RAPGEF1: variants seen among roughly 807,000 people sequenced by gnomAD.
The protein encoded by RAPGEF1 is Rap guanine nucleotide exchange factor 1.
Under a neutral mutation model 143.3 loss-of-function variants are expected in RAPGEF1, and 33 were observed. That is an observed-to-expected ratio of 0.23 (90% CI 0.17 to 0.31). The LOEUF is 0.31. RAPGEF1 is among the 10% of genes least tolerant of loss of function. RAPGEF1 has a pLI of 1.00. For missense variants in RAPGEF1, 1,199 were observed against 1,645.4 expected (o/e 0.73, Z 4.69); for synonymous variants, 629 against 676.5 (o/e 0.93, Z 1.09).
chr9:131,699,999 C>G (rs748026501), intron 1 of RAPGEF1, among the ~76,000 whole-genome samples: 2 of 151,066 alleles, frequency 1.3e-5, no homozygotes, highest in Non-Finnish European at 3.0e-5. Context: ...GCACCTCAAA[C>G]TCACTCTGTA....
Position 131,592,089 on chromosome 9 carries a change from G to A in RAPGEF1, c.2774+10C>T. ...GGTGCAGGGGCCCTGGGTCAGGAAG[G>A]AAAGGATATCTGTACTGCAGCTTCT... On this transcript the variant is annotated intron_variant, in intron 18 of 26. Coordinates refer to ENST00000683357, the MANE Select transcript of RAPGEF1 (RefSeq NM_001377935.1). 1.3e-6 allele frequency: 2 copies of A among 1,598,556 alleles called. No individual in the cohort carries two copies. The highest frequency in any genetic ancestry group is 1.7e-6 in the Non-Finnish European group (2 of 1,165,998).
intron 4 of RAPGEF1, among the ~76,000 whole-genome samples, chr9:131,640,844 A>T (rs1429953779): frequency 6.6e-6 from 1 of 152,156 alleles, no homozygotes; most frequent in Non-Finnish European, 1.5e-5. Flanking sequence ...ATCTAAAAGG[A>T]GCATCTGAGG....
intron 16 of RAPGEF1, 32 bp downstream of exon 16, chr9:131,598,167 G>GAGA: frequency 6.3e-7 from 1 of 1,583,018 alleles, no homozygotes; most frequent in Non-Finnish European, 8.7e-7. Flanking sequence ...TGTGGGGCCA[G>GAGA]GCTGCAAAGC....
At chr9:131,662,623 C>A (rs1434243573) in intron 1 of RAPGEF1, among the ~76,000 whole-genome samples, 1 of 151,816 alleles carries the variant, frequency 6.6e-6, no homozygotes, top group East Asian at 1.9e-4. Flanking sequence ...TCTCGGCTCA[C>A]TGCCTTCCTG....
intron 12 of RAPGEF1, among the ~76,000 whole-genome samples, chr9:131,608,566 A>T (rs1957482021): frequency 1.3e-5 from 2 of 152,160 alleles, no homozygotes; most frequent in African/African-American, 2.4e-5. Context: ...GAAAGCAAGG[A>T]GAGTCGGCCT....
At chr9:131,586,428 C>T (rs199500947) in intron 22 of RAPGEF1, among the ~76,000 whole-genome samples, 3 of 53,064 alleles carry the variant, frequency 5.7e-5, no homozygotes, top group East Asian at 1.1e-3. Context: ...ACCTGCAGAG[C>T]GAGACTCCGT....
chr9:131,592,862 T>C (rs1588258941), intron 17 of RAPGEF1, among the ~76,000 whole-genome samples: 3 of 152,352 alleles, frequency 2.0e-5, no homozygotes, highest in South Asian at 4.1e-4. Flanking sequence ...GTGATTCTCC[T>C]GCCTCAAGCC....
In RAPGEF1 at chr9:131,598,429, ATGGCAGC is replaced by A. The variant is rs749907409; in HGVS notation, c.2502-126_2502-120del. 1.8e-4 allele frequency: 143 copies of A among 784,706 alleles called. No homozygotes were observed. In the African/African-American group the frequency reaches 2.1e-3, roughly 11 times the overall value. 48.6% of individuals were successfully genotyped at this position (784,706 alleles called of 1,614,324 possible). A position where few individuals can be genotyped will look rare whatever the true frequency, so the allele number is the denominator to read the frequency against. ...CCGCTCCCGGAACATGCCTGCCCCG[ATGGCAGC>A]TACGTCACTATGGACTGGATCCTCA... On this transcript the variant is annotated intron_variant, in intron 15 of 26. Transcript: ENST00000683357.
chr9:131,645,357 T>A (rs2133352035), intron 3 of RAPGEF1, among the ~76,000 whole-genome samples: 1 of 152,290 alleles, frequency 6.6e-6, no homozygotes, highest in East Asian at 1.9e-4. Context: ...TTTAAGAAAA[T>A]GTGTCATCAG....
chr9:131,616,627 C>T (rs924789196), intron 12 of RAPGEF1, among the ~76,000 whole-genome samples: 2 of 152,164 alleles, frequency 1.3e-5, no homozygotes, highest in South Asian at 2.1e-4. Flanking sequence ...AAATAATCGT[C>T]CACTGTGCCA....
chr9:131,704,340 C>T (rs1432503950), intron 1 of RAPGEF1, among the ~76,000 whole-genome samples: 1 of 150,976 alleles, frequency 6.6e-6, no homozygotes, highest in Non-Finnish European at 1.5e-5. Flanking sequence ...CTAAATTTGC[C>T]CCTATGGCAG....
intron 1 of RAPGEF1, among the ~76,000 whole-genome samples, chr9:131,652,440 A>G (rs947428811): frequency 1.3e-5 from 2 of 151,910 alleles, no homozygotes; most frequent in Non-Finnish European, 2.9e-5. Context: ...TGTAGCGATG[A>G]GGTCTCACTA....
intron 1 of RAPGEF1, among the ~76,000 whole-genome samples, chr9:131,699,057 T>G (rs968794868): frequency 2.6e-5 from 4 of 152,204 alleles, no homozygotes; most frequent in African/African-American, 9.7e-5. Context: ...CCATCAGCAT[T>G]CAACCTTGCC....
intron 14 of RAPGEF1, among the ~76,000 whole-genome samples, chr9:131,602,374 C>T (rs935511482): frequency 6.6e-6 from 1 of 152,238 alleles, no homozygotes; most frequent in African/African-American, 2.4e-5. Context: ...TTTGTCTCAT[C>T]TGTAAGCTGC....
chr9:131,698,573 A>T (rs575048496), intron 1 of RAPGEF1, among the ~76,000 whole-genome samples: 1 of 152,112 alleles, frequency 6.6e-6, no homozygotes, highest in East Asian at 1.9e-4. Flanking sequence ...ATGACTTTGC[A>T]CTCTCCTGTT....
chr9:131,587,957 G>A lies in RAPGEF1; in HGVS notation c.3123C>T (p.Leu1041=). ...AEQLTLLDAE[L]FYKIEIPEVL... ...CAGCCTGTACCTCTATTTTATAGAA[G>A]AGCTCAGCATCCAGCAGCGTTAGCT... The change falls in exon 21 of 27, where the codon CTC becomes CTT. Residue 1041 remains leucine, a synonymous_variant. Coordinates refer to ENST00000683357, the MANE Select transcript of RAPGEF1 (RefSeq NM_001377935.1). The A allele has an allele frequency of 6.2e-7, 1 of 1,612,090 alleles. No individual in the cohort carries two copies. The highest frequency in any genetic ancestry group is 8.5e-7 in the Non-Finnish European group (1 of 1,179,076).
Position 131,584,675 on chromosome 9 carries a change from C to T in RAPGEF1, c.3234-79G>A, listed in dbSNP as rs1952425330. ...CCAGGGGTCCTGGTGGAGACAGGACCTGTACGACCCCCATGCCAGTGGCCA... is the reference window on the plus strand; with the variant it reads ...CCAGGGGTCCTGGTGGAGACAGGACTTGTACGACCCCCATGCCAGTGGCCA... On this transcript the variant is annotated intron_variant, in intron 22 of 26. Coordinates refer to ENST00000683357, the MANE Select transcript of RAPGEF1 (RefSeq NM_001377935.1). The surrounding 1 kb of genome is among the most constrained non-coding windows in gnomAD (Gnocchi z 6.8). The T allele has an allele frequency of 2.1e-6, 3 of 1,430,528 alleles. No individual in the cohort carries two copies. Among genetic ancestry groups the T allele is most frequent in the Non-Finnish European group, 2.9e-6 (3 of 1,017,560 alleles). 88.6% of individuals were successfully genotyped at this position (1,430,528 alleles called of 1,614,324 possible).
At position 131,675,010 on chromosome 9, in the gene RAPGEF1, G is replaced by C. The variant is rs760391519; in HGVS notation, c.62-24061C>G. On this transcript the variant is annotated intron_variant, in intron 1 of 26. Transcript: ENST00000683357. The surrounding 1 kb of genome is among the most constrained non-coding windows in gnomAD (Gnocchi z 4.6). ...ACTCCTGGGATGTGCAGGGACACTG[G>C]GGGGTTCTGGAGGAGCAGCTGGGAG... is the stretch of plus-strand genomic sequence containing the variant. Among the ~76,000 whole-genome samples the C allele has an allele frequency of 2.2e-4, 34 of 152,158 alleles. No individual in the cohort carries two copies. The highest frequency in any genetic ancestry group is 3.6e-4 in the African/African-American group (15 of 41,418).
At chr9:131,607,885 T>C (rs1957365191) in intron 12 of RAPGEF1, among the ~76,000 whole-genome samples, 1 of 152,230 alleles carries the variant, frequency 6.6e-6, no homozygotes, top group African/African-American at 2.4e-5. Flanking sequence ...ATGGCTTTTG[T>C]GTCATCACAA....
Sources: gnomAD v4.1 joint callset for allele counts (sites outside exome capture counted in the v4.1 genomes callset) on GRCh38, gnomAD v4.1.1 for gene constraint, Gnocchi (gnomAD v3.1) non-coding constraint, MANE v1.5 for transcripts, NCBI Gene and HGNC (gene_info 2026-07-23, HGNC 2026-07-21) for gene names.